Variants in ACAD10 observed in about 807,000 individuals in gnomAD.
The protein encoded by ACAD10 is acyl-CoA dehydrogenase family member 10.
ACAD10 carries 112 observed loss-of-function variants against 116.8 expected under a neutral mutation model. The observed-to-expected ratio is 0.96, with a 90% CI of 0.82 to 1.12. The LOEUF (loss-of-function observed/expected upper bound fraction) is 1.12, where lower values mean the gene tolerates loss of function less well. Among genes scored for constraint, ACAD10 ranks in the 50% most tolerant of loss-of-function variants. The pLI, the probability that ACAD10 is intolerant of heterozygous loss-of-function variation, is 0.00. For synonymous variants in ACAD10, 486 were observed against 510.6 expected, an observed-to-expected ratio of 0.95 and a Z score of 0.65; for missense variants, 1,259 against 1,350.2, an observed-to-expected ratio of 0.93 and a Z score of 1.06.
intron 17 of ACAD10, 80 bp from the exon 18 acceptor site, chr12:111,749,093 C>T (rs541625384): frequency 3.1e-6 from 5 of 1,613,546 alleles, no homozygotes; most frequent in Non-Finnish European, 4.2e-6. Flanking sequence ...CAGCAGATAA[C>T]CCAGACTGAG....
At chr12:111,755,792 A>G (rs534911018) in intron 20 of ACAD10, 47 bp downstream of exon 20, 1 of 1,571,980 alleles carries the variant, frequency 6.4e-7, no homozygotes, top group Admixed American at 1.7e-5. Context: ...TCAATACTAG[A>G]TGCCAAACTC....
chr12:111,687,645 T>G (rs1464609415), intron 1 of ACAD10, among the ~76,000 whole-genome samples: 1 of 152,200 alleles, frequency 6.6e-6, no homozygotes, highest in Non-Finnish European at 1.5e-5. Context: ...TTTCAACATG[T>G]GCCAGGTACT....
At chr12:111,700,798 C>T (rs1353190465) in intron 2 of ACAD10, among the ~76,000 whole-genome samples, 1 of 137,506 alleles carries the variant, frequency 7.3e-6, no homozygotes, top group Non-Finnish European at 1.5e-5. Flanking sequence ...TGCTCTATGT[C>T]CCTAGGCTGC....
intron 10 of ACAD10, chr12:111,733,705 A>G (rs1337572725): frequency 6.9e-6 from 4 of 581,434 alleles, no homozygotes; most frequent in Non-Finnish European, 1.2e-5. Flanking sequence ...ATAAATAACC[A>G]GGCCCTTTCC....
chr12:111,752,784 T>C (rs997664553), intron 18 of ACAD10: 5 of 151,756 alleles, frequency 3.3e-5, no homozygotes, highest in African/African-American at 1.2e-4. Context: ...TTTTTTGTTC[T>C]GAAAACAGGT....
In ACAD10 at chr12:111,719,509, C is replaced by G. The variant is rs575338953; in HGVS notation, c.993-2162C>G. Among the ~76,000 whole-genome samples the G allele has an allele frequency of 4.6e-5, 7 of 152,256 alleles. No homozygotes were observed. The South Asian group carries it at 6.2e-4, about 14-fold the overall frequency. Reference sequence around the variant, plus strand: ...CCTCATGATCCACCTGCCTCGGCCTCCCGGAGTGCTGGGATTACAGGCATG... The same window carrying G: ...CCTCATGATCCACCTGCCTCGGCCTGCCGGAGTGCTGGGATTACAGGCATG... On this transcript the variant is annotated intron_variant, in intron 7 of 20. Coordinates refer to ENST00000313698, the MANE Select transcript of ACAD10 (RefSeq NM_025247.6).
rs897209002 is a variant in ACAD10 at position 111,756,414 on chromosome 12, G to A, written c.3121G>A (p.Gly1041Ser). ...GGCCCGAGCCCTGCGCTTTGCCGAC[G>A]GCCCTGACGAGGTGCACCGGGCCAC... The part of the protein sequence containing the change: ...TWARALRFAD[G>S]PDEVHRATVA... The change falls in exon 21 of 21, where the codon GGC becomes AGC. Residue 1041 changes from glycine (G) to serine (S), a missense_variant. Transcript: ENST00000313698. 9 of 1,612,596 alleles carry A rather than the reference G, an allele frequency of 5.6e-6. No individual in the cohort carries two copies. The highest frequency in any genetic ancestry group is 2.7e-5 in the African/African-American group (2 of 74,902).
chr12:111,707,907 C>T (rs958006582), intron 4 of ACAD10, among the ~76,000 whole-genome samples: 1 of 152,168 alleles, frequency 6.6e-6, no homozygotes, highest in Non-Finnish European at 1.5e-5. Flanking sequence ...TAGTTGGGAT[C>T]CAGGCATGTG....
At chr12:111,739,927 C>T (rs992838086) in intron 12 of ACAD10, among the ~76,000 whole-genome samples, 13 of 152,022 alleles carry the variant, frequency 8.6e-5, no homozygotes, top group Non-Finnish European at 1.2e-4. Flanking sequence ...AAGAAGTTAA[C>T]AGTTAACGAT....
At chr12:111,743,570 C>A (rs990980540) in intron 12 of ACAD10, among the ~76,000 whole-genome samples, 18 of 151,284 alleles carry the variant, frequency 1.2e-4, no homozygotes, top group African/African-American at 4.1e-4. Flanking sequence ...TCCTGACCTC[C>A]GGTGATCCAC....
intron 11 of ACAD10, among the ~76,000 whole-genome samples, chr12:111,736,156 G>T (rs1453749852): frequency 2.8e-5 from 4 of 142,450 alleles, no homozygotes; most frequent in Non-Finnish European, 6.1e-5. Context: ...GCTGGGATTA[G>T]AGGCATGAGC....
intron 2 of ACAD10, among the ~76,000 whole-genome samples, chr12:111,693,445 G>A (rs921911951): frequency 6.6e-6 from 1 of 152,138 alleles, no homozygotes; most frequent in Non-Finnish European, 1.5e-5. Flanking sequence ...GGCTGAGGTC[G>A]GAGGATCACA....
In ACAD10 at chr12:111,751,105, T is replaced by C. The variant is rs550704495; in HGVS notation, c.2817+1760T>C. ...GAACATGGCACCTCCACTGAAGACT[T>C]GGTTGGAGTAATTAGGAATCTACAA... On this transcript the variant is annotated intron_variant, in intron 18 of 20. Coordinates refer to ENST00000313698, the MANE Select transcript of ACAD10 (RefSeq NM_025247.6). Among the ~76,000 whole-genome samples, 382 of 152,264 alleles carry C rather than the reference T, an allele frequency of 2.5e-3. 4 individuals carry two copies. Among genetic ancestry groups the C allele is most frequent in the African/African-American group, 8.7e-3 (360 of 41,548 alleles).
chr12:111,709,878 C>G (rs1278107454), intron 5 of ACAD10, 194 bp downstream of exon 5: 2 of 634,848 alleles, frequency 3.2e-6, no homozygotes, highest in Non-Finnish European at 5.1e-6. Context: ...GCAAGACAAA[C>G]AGGTACTGCG....
intron 7 of ACAD10, among the ~76,000 whole-genome samples, chr12:111,720,417 A>AT (rs1028270260): frequency 2.6e-5 from 4 of 152,106 alleles, no homozygotes; most frequent in African/African-American, 7.2e-5. Context: ...GGATTTCTCC[A>AT]TTTTTTTCTC....
chr12:111,736,678 A>C (rs1282590599), intron 11 of ACAD10, among the ~76,000 whole-genome samples, 153 bp from the exon 12 acceptor site: 1 of 152,192 alleles, frequency 6.6e-6, no homozygotes, highest in African/African-American at 2.4e-5. Flanking sequence ...CATCTAAGGG[A>C]GCAAGAGCCA....
chr12:111,723,186 T>C (rs1230374982), intron 8 of ACAD10, among the ~76,000 whole-genome samples: 103 of 61,984 alleles, frequency 1.7e-3, no homozygotes, highest in Middle Eastern at 0.012. Context: ...GCTGGCCGGG[T>C]GGGGGGCTGA....
intron 11 of ACAD10, 57 bp downstream of exon 11, chr12:111,734,125 G>A: frequency 6.2e-7 from 1 of 1,609,878 alleles, no homozygotes; most frequent in Non-Finnish European, 8.5e-7. Flanking sequence ...AAGCATTTGG[G>A]AGCAAACTCA....
chr12:111,725,973 A>G (rs1889202557), intron 8 of ACAD10, among the ~76,000 whole-genome samples: 1 of 152,060 alleles, frequency 6.6e-6, no homozygotes, highest in Non-Finnish European at 1.5e-5. Context: ...AACATTTGTA[A>G]TGGTAGGATT....
Sources: gnomAD v4.1 joint callset for allele counts (sites outside exome capture counted in the v4.1 genomes callset) on GRCh38, gnomAD v4.1.1 for gene constraint, MANE v1.5 for transcripts, NCBI Gene and HGNC (gene_info 2026-07-23, HGNC 2026-07-21) for gene names.